Variants in STK10 observed in about 807,000 individuals in gnomAD.
STK10 encodes serine/threonine kinase 10.
Under a neutral mutation model 113.8 loss-of-function variants are expected in STK10, and 78 were observed. The ratio of observed to expected loss-of-function variants is 0.69; its 90% CI spans 0.57 to 0.83. STK10 has a LOEUF of 0.83. Ranked by LOEUF, STK10 falls within the 40% of genes least tolerant of loss-of-function variation. The probability of loss-of-function intolerance (pLI) is 0.00; values close to 1 mark genes in which losing one functional copy is unlikely to be tolerated. For synonymous variants in STK10, 465 were observed against 494.7 expected, an observed-to-expected ratio of 0.94 and a Z score of 0.80; for missense variants, 1,109 against 1,280.1, an observed-to-expected ratio of 0.87 and a Z score of 2.04.
intron 13 of STK10, among the ~76,000 whole-genome samples, chr5:172,062,170 G>T (rs1767952383): frequency 6.6e-6 from 1 of 151,820 alleles, no homozygotes; most frequent in African/African-American, 2.4e-5. Flanking sequence ...TAGAGACGGG[G>T]TTTCACCATG....
chr5:172,152,134 G>C (rs1770246924), intron 2 of STK10, among the ~76,000 whole-genome samples: 1 of 152,192 alleles, frequency 6.6e-6, no homozygotes, highest in Admixed American at 6.5e-5. Context: ...CCACTCACTT[G>C]TCACTTGCCC....
chr5:172,116,685 T>C (rs995211376), intron 4 of STK10, among the ~76,000 whole-genome samples: 4 of 151,030 alleles, frequency 2.6e-5, no homozygotes, highest in African/African-American at 9.7e-5. Flanking sequence ...CTGGCCAACA[T>C]GGTGAAACCC....
chr5:172,138,659 A>T (rs1333253890), intron 2 of STK10, among the ~76,000 whole-genome samples: 2 of 152,164 alleles, frequency 1.3e-5, no homozygotes, highest in East Asian at 3.8e-4. Flanking sequence ...TTAAGAAGAA[A>T]TAAACTTAAA....
At chr5:172,169,366 G>A (rs74767639) in intron 1 of STK10, among the ~76,000 whole-genome samples, 2 of 152,058 alleles carry the variant, frequency 1.3e-5, no homozygotes, top group Admixed American at 6.6e-5. Context: ...GGGAGTGAAC[G>A]GGAAGATAGG....
intron 2 of STK10, among the ~76,000 whole-genome samples, chr5:172,147,677 C>A (rs1031236522): frequency 2.0e-5 from 3 of 152,288 alleles, no homozygotes; most frequent in Admixed American, 2.0e-4. Context: ...CAGGCGTGAG[C>A]CACTGTGCCC....
chr5:172,115,397 G>A (rs1769357969), intron 4 of STK10, among the ~76,000 whole-genome samples: 1 of 152,188 alleles, frequency 6.6e-6, no homozygotes, highest in South Asian at 2.1e-4. Context: ...GAGAGGGTTG[G>A]TCTGGGAGCC....
At chr5:172,170,580 C>A (rs1047814313) in intron 1 of STK10, among the ~76,000 whole-genome samples, 2 of 152,200 alleles carry the variant, frequency 1.3e-5, no homozygotes, top group Non-Finnish European at 2.9e-5. Flanking sequence ...GCCTGGCCAG[C>A]CACCCTGGCA....
chr5:172,139,900 CA>C (rs34385866), intron 2 of STK10, among the ~76,000 whole-genome samples: 23,528 of 92,176 alleles, frequency 0.26, 1,608 homozygotes, highest in East Asian at 0.31. Context: ...AAAGCACAGC[CA>C]AAAAAAAAAA....
intron 1 of STK10, among the ~76,000 whole-genome samples, chr5:172,165,710 T>G (rs1431311825): frequency 6.6e-6 from 1 of 152,162 alleles, no homozygotes; most frequent in Non-Finnish European, 1.5e-5. Context: ...CAGTCATTGG[T>G]TCAGAGATGC....
intron 2 of STK10, among the ~76,000 whole-genome samples, chr5:172,137,765 C>T (rs1047346039): frequency 1.3e-5 from 2 of 148,682 alleles, no homozygotes; most frequent in African/African-American, 2.5e-5. Flanking sequence ...TGGTGGCGGG[C>T]GCCTGTAGTC....
intron 7 of STK10, among the ~76,000 whole-genome samples, chr5:172,100,954 G>A (rs564197283): frequency 2.0e-5 from 3 of 152,160 alleles, no homozygotes; most frequent in East Asian, 1.9e-4. Context: ...TCTTGAACCC[G>A]AGGACCAGGA....
intron 10 of STK10, among the ~76,000 whole-genome samples, chr5:172,083,621 T>A (rs1654985112): frequency 6.6e-6 from 1 of 152,184 alleles, no homozygotes; most frequent in Non-Finnish European, 1.5e-5. Flanking sequence ...TGAATAAGAA[T>A]ATTCAGCTGG....
intron 12 of STK10, among the ~76,000 whole-genome samples, chr5:172,078,723 T>C (rs10079010): frequency 0.18 from 25,460 of 144,472 alleles, 2,398 homozygotes; most frequent in African/African-American, 0.25. Flanking sequence ...TAGAAAAAGA[T>C]ATTTGAAAAA....
chr5:172,059,798 C>T (rs1170732624), intron 14 of STK10, among the ~76,000 whole-genome samples: 5 of 152,150 alleles, frequency 3.3e-5, no homozygotes, highest in Admixed American at 2.0e-4. Context: ...AAAATGCCCC[C>T]CAAGCAAAGC....
intron 12 of STK10, among the ~76,000 whole-genome samples, chr5:172,074,793 C>T (rs966298692): frequency 2.6e-5 from 4 of 151,934 alleles, no homozygotes; most frequent in Non-Finnish European, 5.9e-5. Flanking sequence ...CCGAAGCAGG[C>T]GGATCACTTG....
rs1425447970 is a variant in STK10 at position 172,093,451 on chromosome 5, G to T, written c.1515C>A (p.Asp505Glu). 1.2e-6 allele frequency: 2 copies of T among 1,613,178 alleles called. No homozygotes were observed. Among genetic ancestry groups the T allele is most frequent in the East Asian group, 4.5e-5 (2 of 44,846 alleles). ...AGCCCATCTCTTTGTTCAGCGACAG[G>T]TCAGTGGAGAGATTGGTACCATAGT... is the stretch of plus-strand genomic sequence containing the variant. Reference protein sequence around the residue: ...SMDYGTNLSTDLSLNKEMGSL... With the variant: ...SMDYGTNLSTELSLNKEMGSL... The change falls in exon 9 of 19, where the codon GAC (aspartate) becomes GAA (glutamate). Residue 505 changes from aspartate (D) to glutamate (E), a missense_variant. Physicochemically the swap from Asp to Glu is conservative, Grantham distance 45. Transcript: ENST00000176763. The surrounding 1 kb of genome is among the most constrained non-coding windows in gnomAD (Gnocchi z 4.1).
chr5:172,173,594 C>A (rs1014144939), intron 1 of STK10, among the ~76,000 whole-genome samples: 3 of 152,196 alleles, frequency 2.0e-5, no homozygotes, highest in Non-Finnish European at 4.4e-5. Flanking sequence ...CCCCAGTAGC[C>A]CTGTGCCGTC....
intron 15 of STK10, chr5:172,056,954 G>GGAAGGAAAGAAAGGAAGAAAGAAA (rs1491424918): frequency 1.3e-5 from 1 of 78,966 alleles, no homozygotes; most frequent in Non-Finnish European, 2.4e-5. Context: ...AAAGAAAGAA[G>GGAAGGAAAGAAAGGAAGAAAGAAA]GAAAGAAAGA....
chr5:172,106,150 C>A (rs894357792), intron 6 of STK10, among the ~76,000 whole-genome samples: 3 of 152,046 alleles, frequency 2.0e-5, no homozygotes, highest in Non-Finnish European at 4.4e-5. Flanking sequence ...GTAGCTCACG[C>A]CTGTAATTCC....
Sources: gnomAD v4.1 joint callset for allele counts (sites outside exome capture counted in the v4.1 genomes callset) on GRCh38, gnomAD v4.1.1 for gene constraint, Gnocchi (gnomAD v3.1) non-coding constraint, MANE v1.5 for transcripts, NCBI Gene and HGNC (gene_info 2026-07-23, HGNC 2026-07-21) for gene names.